Variants in TPO observed in about 807,000 individuals in gnomAD.
TPO encodes the protein thyroid peroxidase, also known as thyroid microsomal antigen.
In TPO, 78 loss-of-function variants were observed where a neutral mutation model predicts 96.9. The ratio of observed to expected loss-of-function variants is 0.81; its 90% CI spans 0.67 to 0.97. TPO has a LOEUF of 0.97. Ranked by LOEUF, TPO falls within the 50% of genes least tolerant of loss-of-function variation. The pLI is 0.00. For synonymous variants in TPO, 547 were observed against 538.0 expected (o/e 1.02, Z -0.23); for missense variants, 1,252 against 1,274.8 (o/e 0.98, Z 0.27).
At chr2:1,389,013 A>C (rs1283498660) in intron 1 of TPO, among the ~76,000 whole-genome samples, 1 of 152,210 alleles carries the variant, frequency 6.6e-6, no homozygotes, top group Non-Finnish European at 1.5e-5. Context: ...ACAATTAAGA[A>C]GTTTTTTTGT....
intron 14 of TPO, among the ~76,000 whole-genome samples, chr2:1,505,549 TACAGCCCCCAACCCCCATGTCAGGC>T (rs1470082231): frequency 8.5e-6 from 1 of 117,378 alleles, no homozygotes; most frequent in Non-Finnish European, 1.7e-5. Flanking sequence ...CTGTGTCAGG[TACAGCCCCCAACCCCCATGTCAGGC>T]ACACCCCCAC....
intron 15 of TPO, among the ~76,000 whole-genome samples, chr2:1,527,667 A>C: frequency 1.8e-5 from 2 of 109,852 alleles, no homozygotes; most frequent in African/African-American, 3.8e-5. Context: ...AATCTGTGCA[A>C]CCTCCCCAAA....
intron 1 of TPO, among the ~76,000 whole-genome samples, chr2:1,383,121 A>G (rs960882559): frequency 3.3e-5 from 5 of 151,982 alleles, no homozygotes; most frequent in African/African-American, 1.2e-4. Context: ...AATCCAGTCT[A>G]TCATTGTTGG....
chr2:1,427,550 T>C (rs780257001), intron 3 of TPO, among the ~76,000 whole-genome samples: 18 of 152,198 alleles, frequency 1.2e-4, no homozygotes, highest in African/African-American at 4.8e-5. Context: ...TCTCCCACCA[T>C]GGCAAAGAGC....
Position 1,504,086 on chromosome 2 carries a change from C to T in TPO, c.2518+7C>T, listed in dbSNP as rs1490379700. The T allele has an allele frequency of 6.2e-7, 1 of 1,613,904 alleles. No homozygotes were observed. The highest frequency in any genetic ancestry group is 1.3e-5 in the African/African-American group (1 of 74,952). On this transcript the variant is annotated splice_region_variant and intron_variant, in intron 14 of 16. Coordinates refer to ENST00000329066, the MANE Select transcript of TPO (RefSeq NM_001206744.2). The stretch of plus-strand genomic sequence containing the variant: ...GATGGGAGAACCTGCGTAGGTGAGG[C>T]TGTTCCCCTCTCTCTCTGTCCGTCC...
intron 14 of TPO, among the ~76,000 whole-genome samples, chr2:1,507,394 A>T (rs1673586569): frequency 6.6e-6 from 1 of 152,242 alleles, no homozygotes; most frequent in African/African-American, 2.4e-5. Flanking sequence ...TATGAACTTT[A>T]AAGTAGTTTT....
At chr2:1,509,680 A>C in intron 14 of TPO, among the ~76,000 whole-genome samples, 1 of 101,308 alleles carries the variant, frequency 9.9e-6, no homozygotes, top group Non-Finnish European at 2.0e-5. Context: ...AGGGCAAACC[A>C]CACTCTCTGG....
At position 1,516,551 on chromosome 2, in the gene TPO, G is replaced by A. The variant is rs967739774; in HGVS notation, c.2519-332G>A. On this transcript the variant is annotated intron_variant, in intron 14 of 16. Transcript: ENST00000329066. ...CCTGGGTCCTGTGGTCCACTCCGAG[G>A]GCACTGAGAGCCCTCCCTGGTTTGG... Among the ~76,000 whole-genome samples the A allele has an allele frequency of 1.1e-4, 16 of 152,196 alleles. No homozygotes were observed. The South Asian group carries it at 3.3e-3, about 32-fold the overall frequency.
chr2:1,393,325 A>G (rs1662032273), intron 1 of TPO, among the ~76,000 whole-genome samples: 1 of 152,220 alleles, frequency 6.6e-6, no homozygotes, highest in Non-Finnish European at 1.5e-5. Flanking sequence ...CCCATGACCC[A>G]GTCACCTCCC....
At chr2:1,528,152 A>C (rs1677066067) in intron 15 of TPO, among the ~76,000 whole-genome samples, 1 of 87,570 alleles carries the variant, frequency 1.1e-5, no homozygotes, top group African/African-American at 4.9e-5. Flanking sequence ...TGTGCAACCC[A>C]ACCAAATCTC....
At chr2:1,527,970 A>G (rs1362977991) in intron 15 of TPO, among the ~76,000 whole-genome samples, 1 of 99,852 alleles carries the variant, frequency 1.0e-5, no homozygotes, top group Non-Finnish European at 1.8e-5. Context: ...CAAATACCCC[A>G]CTGCGTGCAA....
chr2:1,537,931 T>A (rs1436990164), intron 15 of TPO, among the ~76,000 whole-genome samples: 1 of 92,684 alleles, frequency 1.1e-5, no homozygotes, highest in African/African-American at 4.3e-5. Flanking sequence ...TTTCCCCCAC[T>A]CTGCAACCTC....
At chr2:1,526,957 A>C (rs1676677356) in intron 15 of TPO, among the ~76,000 whole-genome samples, 2 of 108,574 alleles carry the variant, frequency 1.8e-5, no homozygotes, top group African/African-American at 3.8e-5. Context: ...AATCCCCCAC[A>C]CTCTGTGCAA....
chr2:1,509,821 G>C (rs77400549), intron 14 of TPO, among the ~76,000 whole-genome samples: 4,486 of 129,364 alleles, frequency 0.035, 102 homozygotes, highest in East Asian at 0.13. Flanking sequence ...TCAGGAACAG[G>C]ACACCCTCTT....
intron 13 of TPO, among the ~76,000 whole-genome samples, chr2:1,499,132 G>C (rs1208173163): frequency 2.0e-5 from 3 of 152,098 alleles, no homozygotes; most frequent in Non-Finnish European, 4.4e-5. Flanking sequence ...TAAAAGATGG[G>C]TGAGACCTTA....
chr2:1,462,098 C>G, intron 7 of TPO, among the ~76,000 whole-genome samples: 1 of 152,210 alleles, frequency 6.6e-6, no homozygotes, highest in East Asian at 1.9e-4. Flanking sequence ...TCTTCTGGCT[C>G]TTCTGGGCCA....
chr2:1,391,022 C>T (rs538513383), intron 1 of TPO, among the ~76,000 whole-genome samples: 2,401 of 152,254 alleles, frequency 0.016, 59 homozygotes, highest in African/African-American at 0.055. Flanking sequence ...TGTGCAGAAG[C>T]TCTTTAGTTT....
intron 7 of TPO, among the ~76,000 whole-genome samples, chr2:1,469,420 C>T (rs1404146465): frequency 6.6e-6 from 1 of 152,192 alleles, no homozygotes; most frequent in Admixed American, 6.5e-5. Flanking sequence ...GATTAGTACT[C>T]TCCCTGTTTC....
rs929502164 is a variant in TPO at position 1,489,999 on chromosome 2, C to T, written c.1768+2008C>T. 3.8e-3 allele frequency among the ~76,000 whole-genome samples: 417 copies of T among 110,662 alleles called. 3 individuals carry two copies. Among genetic ancestry groups the T allele is most frequent in the African/African-American group, 0.012 (339 of 28,442 alleles). The allele number at this position is 110,662 out of a possible 152,430, so 72.6% of individuals were successfully genotyped here. On this transcript the variant is annotated intron_variant, in intron 10 of 16. Coordinates refer to ENST00000329066, the MANE Select transcript of TPO (RefSeq NM_001206744.2). ...CCACACAGGGGGAGTCACGACACAG[C>T]AGTGTAAGAGCCGCCACGAGGGTCC...
Sources: allele counts gnomAD v4.1 joint callset (sites outside exome capture counted in the v4.1 genomes callset), GRCh38; gene constraint gnomAD v4.1.1; transcripts MANE v1.5; gene names NCBI Gene and HGNC (gene_info 2026-07-23, HGNC 2026-07-21).